OTUD7A: variants seen among roughly 807,000 people sequenced by gnomAD.
OTUD7A encodes the protein OTU deubiquitinase 7A, also known as OTU domain-containing protein 7A.
Under a neutral mutation model 65.7 loss-of-function variants are expected in OTUD7A, and 12 were observed. The observed-to-expected ratio is 0.18, with a 90% confidence interval of 0.12 to 0.30. The LOEUF is 0.30. OTUD7A is among the 10% of genes least tolerant of loss of function. The pLI is 1.00. For synonymous variants in OTUD7A, 641 were observed against 586.3 expected (o/e 1.09, Z -1.35); for missense variants, 1,148 against 1,304.8 (o/e 0.88, Z 1.85).
At chr15:31,866,526 TC>T (rs1415347240) in intron 1 of OTUD7A, among the ~76,000 whole-genome samples, 2 of 152,240 alleles carry the variant, frequency 1.3e-5, no homozygotes, top group Admixed American at 1.3e-4. Flanking sequence ...TGAAGGCGGT[TC>T]CCCCCTTGTG....
At chr15:31,625,505 AT>A (rs1172726658) in intron 3 of OTUD7A, among the ~76,000 whole-genome samples, 2 of 152,156 alleles carry the variant, frequency 1.3e-5, no homozygotes, top group African/African-American at 4.8e-5. Flanking sequence ...ATCAAAGATG[AT>A]GGAGCAAGCA....
chr15:31,680,746 G>A (rs1892694199), intron 1 of OTUD7A, among the ~76,000 whole-genome samples: 1 of 152,270 alleles, frequency 6.6e-6, no homozygotes, highest in Admixed American at 6.5e-5. Flanking sequence ...GATGGAGGCA[G>A]ATGCAAGCAA....
chr15:31,627,942 G>GT (rs533024517), intron 3 of OTUD7A, among the ~76,000 whole-genome samples: 7 of 151,710 alleles, frequency 4.6e-5, no homozygotes, highest in Non-Finnish European at 7.4e-5. Context: ...GGGGTTGTTT[G>GT]TTTTTTTTCT....
intron 3 of OTUD7A, among the ~76,000 whole-genome samples, chr15:31,623,244 C>G (rs113147471): frequency 0.021 from 3,143 of 152,312 alleles, 103 homozygotes; most frequent in African/African-American, 0.072. Flanking sequence ...TCTGTCTGTT[C>G]TCAGATCTCA....
chr15:31,683,217 T>C (rs1892758896), intron 1 of OTUD7A, among the ~76,000 whole-genome samples: 1 of 152,116 alleles, frequency 6.6e-6, no homozygotes, highest in Admixed American at 6.5e-5. Context: ...TCTTTTCAAA[T>C]AGAATAAACA....
intron 3 of OTUD7A, among the ~76,000 whole-genome samples, chr15:31,643,808 G>A (rs1185374297): frequency 1.3e-5 from 2 of 152,204 alleles, no homozygotes; most frequent in African/African-American, 4.8e-5. Context: ...TTTTGAGAGA[G>A]GAGGTAAAAA....
intron 4 of OTUD7A, 71 bp downstream of exon 4, chr15:31,569,947 A>C: frequency 6.4e-7 from 1 of 1,556,568 alleles, no homozygotes; most frequent in Admixed American, 1.8e-5. Context: ...TCTTTGTACC[A>C]CGCAACCCGC....
At chr15:31,810,848 G>A (rs959428238) in intron 1 of OTUD7A, among the ~76,000 whole-genome samples, 1 of 152,128 alleles carries the variant, frequency 6.6e-6, no homozygotes, top group Non-Finnish European at 1.5e-5. Context: ...TAGCTCTGTG[G>A]TATCAGCCAG....
At chr15:31,499,565 C>A (rs1465122882) in intron 10 of OTUD7A, among the ~76,000 whole-genome samples, 8 of 152,264 alleles carry the variant, frequency 5.3e-5, no homozygotes, top group African/African-American at 1.9e-4. Flanking sequence ...TGTCCCGTCC[C>A]CACAGTGTCC....
In OTUD7A at chr15:31,483,337, T is replaced by C; in HGVS notation, c.2759A>G (p.Glu920Gly). The change falls in exon 13 of 13, where the codon GAG becomes GGG. Residue 920 changes from glutamate (E) to glycine (G), a missense_variant. Glu to Gly is a moderately conservative substitution (Grantham distance 98). This residue lies in a region of OTUD7A where 842 missense variants were observed against 769.5 expected (regional missense o/e 1.09). Transcript: ENST00000307050. ...TEHYCSYCYR[E>G]ELRRRREARG... ...CGCCTCGCGCCGCCGCCGCAGCTCC[T>C]CGCGGTAGCAGTAGGAGCAGTAGTG... is the stretch of plus-strand genomic sequence containing the variant. The C allele has an allele frequency of 8.1e-7, 1 of 1,230,748 alleles. No homozygotes were observed. The highest frequency in any genetic ancestry group is 1.0e-6 in the Non-Finnish European group (1 of 982,158). The allele number at this position is 1,230,748 out of a possible 1,614,324, so 76.2% of individuals were successfully genotyped here.
intron 1 of OTUD7A, among the ~76,000 whole-genome samples, chr15:31,744,219 C>T (rs1280478382): frequency 6.6e-6 from 1 of 152,062 alleles, no homozygotes; most frequent in Non-Finnish European, 1.5e-5. Context: ...TTTTATACAA[C>T]TTTAAGAAGA....
At chr15:31,658,831 C>A (rs1346611868) in intron 1 of OTUD7A, among the ~76,000 whole-genome samples, 1 of 149,588 alleles carries the variant, frequency 6.7e-6, no homozygotes, top group East Asian at 2.0e-4. Flanking sequence ...AGTTCAAGGG[C>A]AGCCTGGCCA....
intron 1 of OTUD7A, among the ~76,000 whole-genome samples, chr15:31,811,801 G>A (rs1037237818): frequency 1.3e-5 from 2 of 152,166 alleles, no homozygotes; most frequent in African/African-American, 2.4e-5. Flanking sequence ...CGGGCAGTCC[G>A]CCTGGCCAGA....
At chr15:31,659,032 TG>T (rs1157877151) in intron 1 of OTUD7A, among the ~76,000 whole-genome samples, 3 of 112,534 alleles carry the variant, frequency 2.7e-5, no homozygotes, top group Non-Finnish European at 5.3e-5. Context: ...AATGAATGAA[TG>T]AATGAATGAA....
chr15:31,633,653 A>T (rs1316646901), intron 3 of OTUD7A, among the ~76,000 whole-genome samples: 1 of 152,132 alleles, frequency 6.6e-6, no homozygotes, highest in African/African-American at 2.4e-5. Context: ...CCCAGCATGG[A>T]CTGCTCAGAT....
At chr15:31,580,162 C>G (rs1449787375) in intron 3 of OTUD7A, among the ~76,000 whole-genome samples, 1 of 152,140 alleles carries the variant, frequency 6.6e-6, no homozygotes, top group Non-Finnish European at 1.5e-5. Context: ...CTGGATAAAC[C>G]TGAAAGTAGA....
chr15:31,759,726 C>T (rs1894910838), intron 1 of OTUD7A, among the ~76,000 whole-genome samples: 1 of 152,080 alleles, frequency 6.6e-6, no homozygotes, highest in South Asian at 2.1e-4. Flanking sequence ...CAGGGTTTTG[C>T]CATGTTGGCC....
chr15:31,506,334 AT>A (rs1174122762), intron 8 of OTUD7A, among the ~76,000 whole-genome samples: 2 of 151,956 alleles, frequency 1.3e-5, no homozygotes, highest in African/African-American at 2.4e-5. Flanking sequence ...ATTGTTGCTG[AT>A]TGTAACAGAT....
chr15:31,745,087 A>G (rs1175388281), intron 1 of OTUD7A, among the ~76,000 whole-genome samples: 1 of 152,164 alleles, frequency 6.6e-6, no homozygotes, highest in African/African-American at 2.4e-5. Context: ...TTACATTCAT[A>G]GATTCAAAAC....
Sources: allele counts gnomAD v4.1 joint callset (sites outside exome capture counted in the v4.1 genomes callset), GRCh38; gene constraint gnomAD v4.1.1; regional missense constraint gnomAD v4.1.1; transcripts MANE v1.5; gene names NCBI Gene and HGNC (gene_info 2026-07-23, HGNC 2026-07-21).